CDH8: variants seen among roughly 807,000 people sequenced by gnomAD.
CDH8 encodes the protein cadherin 8.
CDH8 carries 17 observed loss-of-function variants against 68.1 expected under a neutral mutation model. The observed-to-expected ratio is 0.25, with a 90% CI of 0.17 to 0.37. The LOEUF (loss-of-function observed/expected upper bound fraction) is 0.37. Ranked by LOEUF, CDH8 falls within the 10% of genes least tolerant of loss-of-function variation. The probability of loss-of-function intolerance (pLI) is 1.00; values close to 1 mark genes in which losing one functional copy is unlikely to be tolerated. For missense variants in CDH8, 763 were observed against 999.3 expected (o/e 0.76, Z 3.19); for synonymous variants, 372 against 365.1 (o/e 1.02, Z -0.21).
At position 61,867,041 on chromosome 16, in the gene CDH8, G is replaced by C. The variant is rs187026052; in HGVS notation, c.548-9803C>G. ...GGTTACCCTCCCTTTTCCAATGTGA[G>C]AGACAAAATCCTATCAAATTTCAAA... On this transcript the variant is annotated intron_variant, in intron 3 of 11. Transcript: ENST00000577390. 1.2e-4 allele frequency among the ~76,000 whole-genome samples: 19 copies of C among 152,158 alleles called. No individual in the cohort carries two copies. The East Asian group carries it at 3.1e-3, about 25-fold the overall frequency.
At chr16:61,700,746 T>G (rs1464194093) in intron 10 of CDH8, among the ~76,000 whole-genome samples, 1 of 152,150 alleles carries the variant, frequency 6.6e-6, no homozygotes, top group African/African-American at 2.4e-5. Context: ...TGATAGATGG[T>G]GGCATGGGTA....
chr16:61,967,079 T>C (rs1965263946), intron 2 of CDH8, among the ~76,000 whole-genome samples: 2 of 152,100 alleles, frequency 1.3e-5, no homozygotes, highest in East Asian at 1.9e-4. Context: ...CACACACTTG[T>C]GGTCTCAGCT....
At chr16:61,911,486 G>GC (rs1234462947) in intron 2 of CDH8, among the ~76,000 whole-genome samples, 1 of 152,140 alleles carries the variant, frequency 6.6e-6, no homozygotes, top group Non-Finnish European at 1.5e-5. Flanking sequence ...TTCTTTCCCA[G>GC]GGTGTTACTC....
intron 10 of CDH8, among the ~76,000 whole-genome samples, chr16:61,672,479 G>A (rs947582641): frequency 6.6e-6 from 1 of 151,862 alleles, no homozygotes; most frequent in Non-Finnish European, 1.5e-5. Context: ...TACTAATTAA[G>A]GAACTGAAGA....
rs561612826 is a variant in CDH8 at position 61,793,578 on chromosome 16, T to G, written c.1278-4096A>C. Among the ~76,000 whole-genome samples, 7 of 152,178 alleles carry G rather than the reference T, an allele frequency of 4.6e-5. No homozygotes were observed. In the East Asian group the frequency reaches 1.4e-3, roughly 29 times the overall value. ...TCCATCCATGTCCCTGCAAAGGACA[T>G]GATCTCATTCTTTTTTATGGCTGCA... On this transcript the variant is annotated intron_variant, in intron 7 of 11. Coordinates refer to ENST00000577390, the MANE Select transcript of CDH8 (RefSeq NM_001796.5).
At chr16:61,889,199 T>C (rs879691902) in intron 3 of CDH8, among the ~76,000 whole-genome samples, 5 of 152,148 alleles carry the variant, frequency 3.3e-5, no homozygotes, top group Non-Finnish European at 5.9e-5. Flanking sequence ...TCTAATAACA[T>C]ATCAAATGCA....
intron 8 of CDH8, among the ~76,000 whole-genome samples, chr16:61,764,581 T>C (rs189864851): frequency 1.3e-5 from 2 of 152,208 alleles, no homozygotes; most frequent in East Asian, 3.9e-4. Context: ...TCAAGTACAC[T>C]AGAGATTCTC....
At chr16:61,684,627 C>T (rs1372803753) in intron 10 of CDH8, among the ~76,000 whole-genome samples, 2 of 151,996 alleles carry the variant, frequency 1.3e-5, no homozygotes, top group Non-Finnish European at 2.9e-5. Context: ...GGACTGTGCC[C>T]ATTGTTGACT....
chr16:61,774,459 G>GAAAAAAA (rs11318433), intron 8 of CDH8, among the ~76,000 whole-genome samples: 2 of 123,218 alleles, frequency 1.6e-5, no homozygotes, highest in Non-Finnish European at 1.7e-5. Flanking sequence ...ATCACTCAGG[G>GAAAAAAA]AAAAAAAAAA....
At chr16:61,979,788 T>A (rs1343890807) in intron 2 of CDH8, among the ~76,000 whole-genome samples, 1 of 152,136 alleles carries the variant, frequency 6.6e-6, no homozygotes, top group Non-Finnish European at 1.5e-5. Context: ...CCCCAAACAT[T>A]TATTAAGCAT....
intron 8 of CDH8, among the ~76,000 whole-genome samples, chr16:61,738,541 T>C (rs1959770727): frequency 6.6e-6 from 1 of 152,190 alleles, no homozygotes; most frequent in Non-Finnish European, 1.5e-5. Flanking sequence ...GACTTTATCC[T>C]TCATAGCCTT....
intron 8 of CDH8, among the ~76,000 whole-genome samples, chr16:61,760,797 C>T (rs1412326653): frequency 6.6e-6 from 1 of 152,034 alleles, no homozygotes; most frequent in African/African-American, 2.4e-5. Context: ...TAGCAAGTCA[C>T]CTGATATATT....
At chr16:61,755,717 C>G (rs1192608683) in intron 8 of CDH8, among the ~76,000 whole-genome samples, 1 of 151,932 alleles carries the variant, frequency 6.6e-6, no homozygotes, top group Non-Finnish European at 1.5e-5. Context: ...GATAAAATAA[C>G]TGAATTTTAT....
chr16:62,007,670 G>A (rs1394495150), intron 2 of CDH8, among the ~76,000 whole-genome samples: 1 of 152,014 alleles, frequency 6.6e-6, no homozygotes, highest in Non-Finnish European at 1.5e-5. Context: ...TCCATCCAGG[G>A]GCTAAAAGAA....
At chr16:61,991,962 T>C (rs1204105898) in intron 2 of CDH8, among the ~76,000 whole-genome samples, 1 of 151,978 alleles carries the variant, frequency 6.6e-6, no homozygotes, top group Middle Eastern at 3.2e-3. Context: ...TTTAACACGT[T>C]GTTGTTGTTG....
chr16:61,960,015 T>TATATATATATATATAC lies in CDH8; in HGVS notation c.253-58543_253-58542insGTATATATATATATAT, dbSNP rs1198530274. ...ATATATATATATATATATATATATA[T>TATATATATATATATAC]ACACACATACACACACACACACAAC... On this transcript the variant is annotated intron_variant, in intron 2 of 11. Transcript: ENST00000577390. Among the ~76,000 whole-genome samples the TATATATATATATATAC allele has an allele frequency of 4.9e-4, 36 of 73,222 alleles. 4 individuals carry two copies. The highest frequency in any genetic ancestry group is 2.0e-3 in the East Asian group (4 of 2,006). The allele number at this position is 73,222 out of a possible 152,430, so 48.0% of individuals were successfully genotyped here.
intron 2 of CDH8, among the ~76,000 whole-genome samples, chr16:62,014,910 T>C (rs2150607156): frequency 1.3e-5 from 2 of 152,026 alleles, no homozygotes; most frequent in Middle Eastern, 3.4e-3. Flanking sequence ...ACTGGTTTTT[T>C]TTTTCCCAAA....
chr16:61,782,751 C>G (rs1961110726), intron 8 of CDH8, among the ~76,000 whole-genome samples: 1 of 152,170 alleles, frequency 6.6e-6, no homozygotes, highest in Admixed American at 6.5e-5. Context: ...TGAGAACGGG[C>G]AGACTGCCTC....
intron 2 of CDH8, chr16:61,940,660 C>T (rs1474031777): frequency 6.6e-6 from 1 of 152,302 alleles, no homozygotes; most frequent in African/African-American, 2.4e-5. Flanking sequence ...CTCGGCCTCC[C>T]AAAGTTCTGG....
Sources: gnomAD v4.1 joint callset for allele counts (sites outside exome capture counted in the v4.1 genomes callset) on GRCh38, gnomAD v4.1.1 for gene constraint, MANE v1.5 for transcripts, NCBI Gene and HGNC (gene_info 2026-07-23, HGNC 2026-07-21) for gene names.